The following GALNT9 variants were observed in gnomAD, a reference collection of about 807,000 sequenced individuals.
The protein encoded by GALNT9 is polypeptide N-acetylgalactosaminyltransferase 9.
GALNT9 carries 47 observed loss-of-function variants against 63.1 expected under a neutral mutation model. The observed-to-expected ratio is 0.75, with a 90% confidence interval of 0.59 to 0.95. The LOEUF is 0.95. Ranked by LOEUF, GALNT9 falls within the 40% of genes least tolerant of loss-of-function variation. The probability of loss-of-function intolerance (pLI) is 0.00; values close to 1 mark genes in which losing one functional copy is unlikely to be tolerated. For synonymous variants in GALNT9, 396 were observed against 365.7 expected (o/e 1.08, Z -0.94); for missense variants, 829 against 874.8 (o/e 0.95, Z 0.66).
chr12:132,258,792 C>T (rs1447844350), intron 4 of GALNT9, among the ~76,000 whole-genome samples: 2 of 152,204 alleles, frequency 1.3e-5, no homozygotes, highest in East Asian at 1.9e-4. Context: ...GTGCAGCCCT[C>T]GCCCTTGGAG....
intron 1 of GALNT9, among the ~76,000 whole-genome samples, chr12:132,311,083 A>G (rs1881797732): frequency 1.3e-5 from 2 of 152,200 alleles, no homozygotes; most frequent in Non-Finnish European, 2.9e-5. Context: ...TTAAACAACA[A>G]CATCAACTTC....
At chr12:132,203,773 A>G (rs1876408933) in intron 6 of GALNT9, 83 bp from the exon 7 acceptor site, 1 of 1,456,526 alleles carries the variant, frequency 6.9e-7, no homozygotes, top group Admixed American at 2.0e-5. Context: ...TGAGAGGCCA[A>G]GGGGCCCGGC....
chr12:132,311,622 G>A (rs28588070), intron 1 of GALNT9, among the ~76,000 whole-genome samples: 8,957 of 152,258 alleles, frequency 0.059, 827 homozygotes, highest in African/African-American at 0.2. Context: ...TGGACTCCAG[G>A]CCAGGGCAGC....
In GALNT9 at chr12:132,252,565, G is replaced by A. The variant is rs1878963763; in HGVS notation, c.960-4538C>T. On this transcript the variant is annotated intron_variant, in intron 5 of 10. Transcript: ENST00000328957. This position sits in a 1 kb window ranked among gnomAD's most constrained non-coding sequence, Gnocchi z 5.2. ...ATAAAGAGAAAACAGCTGGGCCTGG[G>A]GGGAACCACTGCCATCAAGACACGG... Among the ~76,000 whole-genome samples the A allele has an allele frequency of 6.6e-6, 1 of 152,170 alleles. No individual in the cohort carries two copies. The highest frequency in any genetic ancestry group is 1.5e-5 in the Non-Finnish European group (1 of 68,026).
chr12:132,262,641 T>G lies in GALNT9; in HGVS notation c.420-16A>C. The G allele has an allele frequency of 6.5e-7, 1 of 1,534,950 alleles. No homozygotes were observed. The highest frequency in any genetic ancestry group is 8.8e-7 in the Non-Finnish European group (1 of 1,138,892). ...CTGTCTGCACCTGCAGGAAACACGG[T>G]TTGGGGTGCGGTCAGGGCGCAGCAT... On this transcript the variant is annotated splice_polypyrimidine_tract_variant and intron_variant, in intron 2 of 10. Transcript: ENST00000328957.
At chr12:132,200,463 A>G (rs1875956365) in intron 8 of GALNT9, 1 of 152,254 alleles carries the variant, frequency 6.6e-6, no homozygotes, top group Non-Finnish European at 1.5e-5. Flanking sequence ...ACGCTGGTGT[A>G]TGAACGTGGC....
At chr12:132,298,506 C>G (rs570787166) in intron 1 of GALNT9, among the ~76,000 whole-genome samples, 1 of 150,856 alleles carries the variant, frequency 6.6e-6, no homozygotes, top group South Asian at 2.1e-4. Flanking sequence ...TAACTCACTC[C>G]CATAACTAAC....
intron 6 of GALNT9, chr12:132,240,780 A>T: frequency 2.2e-6 from 1 of 453,484 alleles, no homozygotes; most frequent in Non-Finnish European, 4.4e-6. Context: ...GTGCAGTATG[A>T]TCTATACATG....
chr12:132,309,379 T>C (rs1315567413), intron 1 of GALNT9, among the ~76,000 whole-genome samples: 1 of 152,154 alleles, frequency 6.6e-6, no homozygotes, highest in East Asian at 1.9e-4. Context: ...CCAGTTTAGA[T>C]GAATGCAGCA....
At chr12:132,318,344 G>A (rs990902387) in intron 1 of GALNT9, among the ~76,000 whole-genome samples, 11 of 152,348 alleles carry the variant, frequency 7.2e-5, no homozygotes, top group Admixed American at 4.6e-4. Flanking sequence ...GACCCAGAAC[G>A]AGAGACAAGG....
Position 132,226,663 on chromosome 12 carries a change from CCA to C in GALNT9, c.1077+21245_1077+21246del, listed in dbSNP as rs1223300203. On this transcript the variant is annotated intron_variant, in intron 6 of 10. Coordinates refer to ENST00000328957, the MANE Select transcript of GALNT9 (RefSeq NM_001122636.2). ...CCCCATGCACCCCCATATACACACC[CCA>C]CACACACTGTACATACACACCAAAC... Among the ~76,000 whole-genome samples the C allele has an allele frequency of 2.3e-4, 31 of 134,150 alleles. 1 individual carries two copies. The highest frequency in any genetic ancestry group is 8.0e-4 in the African/African-American group (28 of 35,100). The allele number at this position is 134,150 out of a possible 152,430, so 88.0% of individuals were successfully genotyped here.
At chr12:132,229,896 G>A (rs902239852) in intron 6 of GALNT9, among the ~76,000 whole-genome samples, 4 of 152,210 alleles carry the variant, frequency 2.6e-5, no homozygotes, top group African/African-American at 7.2e-5. Context: ...CGTCGGTGGT[G>A]GAGTCACAGG....
rs868954884 is a variant in GALNT9, at chr12:132,303,863, A to G, written c.239-17433T>C. 2.7e-4 allele frequency among the ~76,000 whole-genome samples: 7 copies of G among 25,588 alleles called. 1 individual carries two copies. The highest frequency in any genetic ancestry group is 1.4e-3 in the Admixed American group (3 of 2,178). The allele number at this position is 25,588 out of a possible 152,430, so 16.8% of individuals were successfully genotyped here. On this transcript the variant is annotated intron_variant, in intron 1 of 10. Coordinates refer to ENST00000328957, the MANE Select transcript of GALNT9 (RefSeq NM_001122636.2). ...CCCTCACCCGGACACACCCTCGCCC[A>G]GACACACCCTCGCCTGGGCACAGCC...
At chr12:132,321,043 G>A (rs993793172) in intron 1 of GALNT9, among the ~76,000 whole-genome samples, 4 of 152,308 alleles carry the variant, frequency 2.6e-5, no homozygotes, top group Non-Finnish European at 4.4e-5. Flanking sequence ...GCCTCCTGGC[G>A]TCCCAGCGGG....
At chr12:132,254,324 A>G (rs910545883) in intron 5 of GALNT9, among the ~76,000 whole-genome samples, 4 of 152,246 alleles carry the variant, frequency 2.6e-5, no homozygotes, top group African/African-American at 7.2e-5. Flanking sequence ...CGCTGCTTTT[A>G]ATATGCATAT....
At chr12:132,301,687 C>G (rs1230954380) in intron 1 of GALNT9, among the ~76,000 whole-genome samples, 1 of 152,248 alleles carries the variant, frequency 6.6e-6, no homozygotes. Flanking sequence ...GCCCCACTCG[C>G]TGGCCAGAGA....
chr12:132,247,810 C>G (rs28698057), intron 6 of GALNT9, 100 bp downstream of exon 6: 2 of 1,504,052 alleles, frequency 1.3e-6, no homozygotes, highest in Non-Finnish European at 1.8e-6. Flanking sequence ...GCCCTCACCC[C>G]GTCCCCGGAC....
intron 6 of GALNT9, among the ~76,000 whole-genome samples, chr12:132,206,379 G>A (rs889943580): frequency 6.6e-6 from 1 of 152,208 alleles, no homozygotes; most frequent in Non-Finnish European, 1.5e-5. Flanking sequence ...GGGCACAGGG[G>A]CCTCACACTT....
intron 4 of GALNT9, among the ~76,000 whole-genome samples, chr12:132,259,609 C>T (rs1879288239): frequency 1.3e-5 from 2 of 152,262 alleles, no homozygotes; most frequent in South Asian, 4.2e-4. Context: ...TGCCAAGTCC[C>T]CACTTGAACC....
Sources: gnomAD v4.1 joint callset for allele counts (sites outside exome capture counted in the v4.1 genomes callset) on GRCh38, gnomAD v4.1.1 for gene constraint, Gnocchi (gnomAD v3.1) non-coding constraint, MANE v1.5 for transcripts, NCBI Gene and HGNC (gene_info 2026-07-23, HGNC 2026-07-21) for gene names.